Variants in ABCA9 observed in about 807,000 individuals in gnomAD.
The protein encoded by ABCA9 is ATP binding cassette subfamily A member 9, also known as ATP-binding cassette sub-family A member 9.
A neutral mutation model predicts 205.3 loss-of-function variants in ABCA9; 183 were observed. The observed-to-expected ratio is 0.89, with a 90% CI of 0.79 to 1.01. The LOEUF (loss-of-function observed/expected upper bound fraction) is 1.01, where lower values mean the gene tolerates loss of function less well. Ranked by LOEUF, ABCA9 falls within the 50% of genes least tolerant of loss-of-function variation. The probability of loss-of-function intolerance (pLI) is 0.00; values close to 1 mark genes in which losing one functional copy is unlikely to be tolerated. For synonymous variants in ABCA9, 651 were observed against 683.3 expected (o/e 0.95, Z 0.74); for missense variants, 1,805 against 1,912.4 (o/e 0.94, Z 1.05).
chr17:69,072,353 C>T, the ABCA9 span, among the ~76,000 whole-genome samples: 22 of 152,234 alleles, frequency 1.4e-4, no homozygotes, highest in East Asian at 7.7e-4. Flanking sequence ...AGAGAAAGGT[C>T]GGTTTACTCA....
chr17:68,990,237 GCT>G (rs1332670778), intron 29 of ABCA9, among the ~76,000 whole-genome samples: 1 of 152,102 alleles, frequency 6.6e-6, no homozygotes, highest in Non-Finnish European at 1.5e-5. Context: ...CCGCAGACAA[GCT>G]CTCTCTCAGT....
chr17:68,993,137 G>T, intron 26 of ABCA9, 53 bp from the exon 27 acceptor site: 3 of 1,462,360 alleles, frequency 2.1e-6, no homozygotes, highest in South Asian at 1.2e-5. Flanking sequence ...TTTATTCATG[G>T]AATTTATCCC....
rs559392143 is a variant in ABCA9 at position 68,978,046 on chromosome 17, T to G, written c.4721-1856A>C. Reference sequence around the variant, plus strand: ...TTCTTGTTAACTTTCTGTCTCGATCTGTCTAATGTTGACAGTGGGGTGTTA... The same window carrying G: ...TTCTTGTTAACTTTCTGTCTCGATCGGTCTAATGTTGACAGTGGGGTGTTA... On this transcript the variant is annotated intron_variant, in intron 37 of 38. Transcript: ENST00000340001. 1.1e-4 allele frequency among the ~76,000 whole-genome samples: 17 copies of G among 152,328 alleles called. No homozygotes were observed. The South Asian group carries it at 3.5e-3, about 32-fold the overall frequency.
At chr17:68,999,223 C>G (rs2069745094) in intron 25 of ABCA9, among the ~76,000 whole-genome samples, 1 of 144,478 alleles carries the variant, frequency 6.9e-6, no homozygotes, top group African/African-American at 2.6e-5. Flanking sequence ...TGTGCTGCAC[C>G]CACTAACTCG....
intron 25 of ABCA9, among the ~76,000 whole-genome samples, chr17:68,999,053 A>C (rs2069736545): frequency 6.6e-6 from 1 of 151,832 alleles, no homozygotes; most frequent in Admixed American, 6.6e-5. Context: ...GAGATCTTCT[A>C]TTTGCTCTGA....
rs1356128293 is a variant in ABCA9 at position 68,978,459 on chromosome 17, C to T, written c.4721-2269G>A. Among the ~76,000 whole-genome samples the T allele has an allele frequency of 5.9e-5, 9 of 152,208 alleles. No homozygotes were observed. In the South Asian group the frequency reaches 8.3e-4, roughly 14 times the overall value. On this transcript the variant is annotated intron_variant, in intron 37 of 38. Transcript: ENST00000340001. Reference sequence around the variant, plus strand: ...TGTGTCTTTTAATTGGAGCATTTAGCCCATTTACATTTAAGGTTAATATTG... The same window carrying T: ...TGTGTCTTTTAATTGGAGCATTTAGTCCATTTACATTTAAGGTTAATATTG...
rs2071672963 is a variant in ABCA9, at chr17:69,045,258, ACT to A, written c.381_382del (p.Arg127SerfsTer5). On this transcript the variant is annotated frameshift_variant, in exon 4 of 39. Coordinates refer to ENST00000340001, the MANE Select transcript of ABCA9 (RefSeq NM_080283.4). LOFTEE classifies it high-confidence loss of function. Reference sequence around the variant, plus strand: ...GTAGGAGAAGGTATCAGTAAAGATGACTCTCACTGCGTCTATTGAATAGTTCA... The same window carrying A: ...GTAGGAGAAGGTATCAGTAAAGATGACTCACTGCGTCTATTGAATAGTTCA... 6 of 1,612,928 alleles carry A rather than the reference ACT, an allele frequency of 3.7e-6. No individual in the cohort carries two copies. Among genetic ancestry groups the A allele is most frequent in the Non-Finnish European group, 4.2e-6 (5 of 1,179,526 alleles).
chr17:68,981,146 G>A (rs369150486), intron 37 of ABCA9, among the ~76,000 whole-genome samples: 2 of 151,942 alleles, frequency 1.3e-5, no homozygotes, highest in African/African-American at 4.8e-5. Context: ...AGGGTAGGGA[G>A]GATAGAGCAA....
At chr17:69,062,109 G>T (rs908049103), upstream of ABCA9, among the ~76,000 whole-genome samples, 1 of 149,710 alleles carries the variant, frequency 6.7e-6, no homozygotes, top group Non-Finnish European at 1.5e-5. Flanking sequence ...GAAGTAGGCT[G>T]AACTCCTGAA....
chr17:69,013,473 C>T (rs890680101), intron 22 of ABCA9, among the ~76,000 whole-genome samples: 3 of 152,118 alleles, frequency 2.0e-5, no homozygotes, highest in Non-Finnish European at 4.4e-5. Context: ...CCAAAGACTA[C>T]ATCCCCCATC....
chr17:69,035,622 A>C, intron 7 of ABCA9, 38 bp downstream of exon 7: 1 of 1,605,516 alleles, frequency 6.2e-7, no homozygotes, highest in Non-Finnish European at 8.5e-7. Context: ...GAGAGAGAGA[A>C]AGAGAATAAA....
chr17:69,042,625 AT>A (rs1484199675), intron 6 of ABCA9: 1 of 152,248 alleles, frequency 6.6e-6, no homozygotes, highest in East Asian at 1.9e-4. Context: ...GTGTTTGTGT[AT>A]TTGGGTTCAC....
In ABCA9 at chr17:69,027,652, T is replaced by C. The variant is rs762232075; in HGVS notation, c.1779A>G (p.Glu593=). The change falls in exon 13 of 39, where the codon GAA becomes GAG. Residue 593 remains glutamate, a synonymous_variant. Transcript: ENST00000340001. ...FAKIKGILPH[E]VEKEVQRVVQ... ...TATGCTCACATACCTCTTTCTCCAC[T>C]TCATGTGGCAAAATCCCTTTTATTT... The C allele has an allele frequency of 1.4e-5, 23 of 1,613,238 alleles. No individual in the cohort carries two copies. The highest frequency in any genetic ancestry group is 4.0e-5 in the African/African-American group (3 of 74,912).
rs2069185935 is a variant in ABCA9 at position 68,985,072 on chromosome 17, G to T, written c.4265C>A (p.Ser1422Ter). The change falls in exon 33 of 39, where the codon TCA becomes TAA. Residue 1422 changes from serine to a stop codon, truncating the protein, a stop_gained. Transcript: ENST00000340001. LOFTEE classifies it high-confidence loss of function. ...CCGTACCTTTCGCTTTATTCCCTCT[G>T]ACAAGGTCTTCACGGGAGCCTTCAG... ...DQLKAPVKTL[S>*]EGIKRKLCFV... is the part of the protein sequence containing the mutation. The T allele has an allele frequency of 1.9e-6, 3 of 1,614,194 alleles. No individual in the cohort carries two copies. The highest frequency in any genetic ancestry group is 2.5e-6 in the Non-Finnish European group (3 of 1,180,050).
rs899470819 is a variant in ABCA9 at position 69,029,239 on chromosome 17, A to C, written c.1446-12T>G. 6.6e-7 allele frequency: 1 copy of C among 1,514,786 alleles called. No individual in the cohort carries two copies. The allele number at this position is 1,514,786 out of a possible 1,614,324, so 93.8% of individuals were successfully genotyped here. A position where few individuals can be genotyped will look rare whatever the true frequency, so the allele number is the denominator to read the frequency against. On this transcript the variant is annotated splice_polypyrimidine_tract_variant and intron_variant, in intron 10 of 38. Transcript: ENST00000340001. The stretch of plus-strand genomic sequence containing the variant: ...TAAGATTTTTGATTCTGAAAAAAAG[A>C]GGGAAATGTTTTCAGAGAATTGTAA...
intron 25 of ABCA9, among the ~76,000 whole-genome samples, chr17:68,997,580 T>C (rs1301898097): frequency 6.9e-6 from 1 of 143,976 alleles, no homozygotes; most frequent in Non-Finnish European, 1.5e-5. Flanking sequence ...AATTTGTTCC[T>C]GGGTATTTTT....
chr17:69,040,333 TA>T (rs1189856700), intron 6 of ABCA9, among the ~76,000 whole-genome samples: 14 of 152,046 alleles, frequency 9.2e-5, no homozygotes, highest in African/African-American at 3.4e-4. Context: ...AGACTGGATT[TA>T]AAAAATGTGG....
intron 25 of ABCA9, among the ~76,000 whole-genome samples, chr17:68,999,636 A>G (rs1307929841): frequency 1.3e-5 from 2 of 151,664 alleles, no homozygotes; most frequent in African/African-American, 4.8e-5. Context: ...CTTTGGGTAT[A>G]TACGCAGTAA....
At chr17:69,062,586 A>G (rs886900149), upstream of ABCA9, among the ~76,000 whole-genome samples, 8 of 151,996 alleles carry the variant, frequency 5.3e-5, no homozygotes, top group South Asian at 2.1e-4. Flanking sequence ...TCTCGGCTCA[A>G]TGGAACCTCT....
Sources: allele counts gnomAD v4.1 joint callset (sites outside exome capture counted in the v4.1 genomes callset), GRCh38; gene constraint gnomAD v4.1.1; transcripts MANE v1.5; gene names NCBI Gene and HGNC (gene_info 2026-07-23, HGNC 2026-07-21).